The following SFMBT2 variants were observed in gnomAD, a reference collection of about 807,000 sequenced individuals.
SFMBT2 encodes the protein scm-like with four MBT domains protein 2.
In SFMBT2, 38 loss-of-function variants were observed where a neutral mutation model predicts 110.1. The ratio of observed to expected loss-of-function variants is 0.35; its 90% CI spans 0.27 to 0.45. The LOEUF is 0.45. SFMBT2 is among the 20% of genes least tolerant of loss of function. The pLI, the probability that SFMBT2 is intolerant of heterozygous loss-of-function variation, is 1.00. For synonymous variants in SFMBT2, 425 were observed against 425.4 expected, an observed-to-expected ratio of 1.00 and a Z score of 0.01; for missense variants, 1,011 against 1,094.9, an observed-to-expected ratio of 0.92 and a Z score of 1.08.
Position 7,172,054 on chromosome 10 carries a change from C to T in SFMBT2, c.2256G>A (p.Val752=), listed in dbSNP as rs996049494. The stretch of plus-strand genomic sequence containing the variant: ...CGGCCCTCCGGGGCCGGGCCGAGGG[C>T]ACCTCCGCCGACGAGGTGTCCGTCT... ...DDQTDTSSAE[V]PSARPRRAVT... The change falls in exon 19 of 21, where the codon GTG becomes GTA. Residue 752 remains valine (V), a synonymous_variant. Transcript: ENST00000397167. This position sits in a 1 kb window ranked among gnomAD's most constrained non-coding sequence, Gnocchi z 4.6. 1.6e-5 allele frequency: 25 copies of T among 1,598,152 alleles called. No individual in the cohort carries two copies. The highest frequency in any genetic ancestry group is 2.0e-5 in the Non-Finnish European group (24 of 1,172,726).
rs907695300 is a variant in SFMBT2 at position 7,260,686 on chromosome 10, C to T, written c.871-12037G>A. On this transcript the variant is annotated intron_variant, in intron 7 of 20. Transcript: ENST00000397167. ...ACCACTGGTTCTAATTCTACACAGG[C>T]GGCATCTACCACATTCCCCAGTGCA... 3.3e-5 allele frequency among the ~76,000 whole-genome samples: 5 copies of T among 152,258 alleles called. No homozygotes were observed. The South Asian group carries it at 8.3e-4, about 25-fold the overall frequency.
chr10:7,349,440 CTTTTTTT>C (rs369479041), intron 4 of SFMBT2, among the ~76,000 whole-genome samples: 16 of 46,892 alleles, frequency 3.4e-4, no homozygotes, highest in African/African-American at 6.4e-4. Context: ...CTTTTCTTTT[CTTTTTTT>C]TTTTTTTTTT....
intron 1 of SFMBT2, among the ~76,000 whole-genome samples, chr10:7,382,505 C>G (rs1432000954): frequency 6.6e-6 from 1 of 152,142 alleles, no homozygotes; most frequent in African/African-American, 2.4e-5. Flanking sequence ...CATCCGTGTT[C>G]TAGAGGTCAT....
At chr10:7,243,296 C>A (rs1840493923) in intron 9 of SFMBT2, among the ~76,000 whole-genome samples, 3 of 152,180 alleles carry the variant, frequency 2.0e-5, no homozygotes, top group Non-Finnish European at 4.4e-5. Context: ...TAAGTCTACA[C>A]AATAGCAGCA....
intron 20 of SFMBT2, 129 bp from the exon 21 acceptor site, chr10:7,164,039 T>C (rs1333507441): frequency 5.0e-6 from 7 of 1,396,184 alleles, no homozygotes; most frequent in South Asian, 1.7e-5. Flanking sequence ...ATTCAGGGGA[T>C]TGTTGGTAGA....
chr10:7,407,952 C>G (rs1846262727), intron 1 of SFMBT2, among the ~76,000 whole-genome samples: 1 of 152,144 alleles, frequency 6.6e-6, no homozygotes, highest in African/African-American at 2.4e-5. Context: ...CGGCCGGGCT[C>G]CTGCCCAGTC....
rs11593938 is a variant in SFMBT2 at position 7,408,129 on chromosome 10, G to A, written c.-52+2732C>T. 0.022 allele frequency among the ~76,000 whole-genome samples: 3,291 copies of A among 152,390 alleles called. 53 individuals are homozygous for A. Among genetic ancestry groups the A allele is most frequent in the Middle Eastern group, 0.041 (12 of 294 alleles). ...TTGCGCTTGTCAGCGGCGACGTCAG[G>A]AGGACAAGGGGAGGGGTTCGCGGCT... On this transcript the variant is annotated intron_variant, in intron 1 of 20. Coordinates refer to ENST00000397167, the MANE Select transcript of SFMBT2 (RefSeq NM_001387889.1). The surrounding 1 kb of genome is among the most constrained non-coding windows in gnomAD (Gnocchi z 5.7).
At chr10:7,405,839 C>CT (rs1239285312) in intron 1 of SFMBT2, among the ~76,000 whole-genome samples, 2 of 140,288 alleles carry the variant, frequency 1.4e-5, no homozygotes, top group African/African-American at 2.6e-5. Context: ...CCGACCCCCG[C>CT]TCTCTCTGTC....
intron 4 of SFMBT2, among the ~76,000 whole-genome samples, chr10:7,352,335 T>G (rs1306223966): frequency 6.6e-6 from 1 of 152,160 alleles, no homozygotes; most frequent in Non-Finnish European, 1.5e-5. Context: ...AGCATAAAGA[T>G]ATTTTGAGAC....
chr10:7,320,251 G>C (rs985255514), intron 4 of SFMBT2, among the ~76,000 whole-genome samples: 1 of 152,198 alleles, frequency 6.6e-6, no homozygotes, highest in African/African-American at 2.4e-5. Context: ...TGAGTGTGCA[G>C]CTGCTGACTC....
chr10:7,281,204 C>A (rs1057128820), intron 6 of SFMBT2, among the ~76,000 whole-genome samples: 1 of 152,168 alleles, frequency 6.6e-6, no homozygotes, highest in African/African-American at 2.4e-5. Flanking sequence ...CGAGATCATG[C>A]CACTGCACTC....
At chr10:7,296,645 A>G (rs2131870493) in intron 4 of SFMBT2, among the ~76,000 whole-genome samples, 1 of 152,298 alleles carries the variant, frequency 6.6e-6, no homozygotes, top group South Asian at 2.1e-4. Context: ...GTTCAACAGT[A>G]TTTAGGTTGC....
chr10:7,329,562 G>A (rs781383099), intron 4 of SFMBT2: 13 of 956,712 alleles, frequency 1.4e-5, no homozygotes, highest in East Asian at 1.2e-4. Flanking sequence ...CTGCCCTAGC[G>A]CCCAGGGGCC....
At chr10:7,269,497 C>T (rs1564414052) in intron 7 of SFMBT2, among the ~76,000 whole-genome samples, 2 of 152,320 alleles carry the variant, frequency 1.3e-5, no homozygotes, top group Non-Finnish European at 2.9e-5. Context: ...AAATACCGCT[C>T]ATCTCCGGCC....
At chr10:7,336,948 C>T (rs989400014) in intron 4 of SFMBT2, among the ~76,000 whole-genome samples, 1 of 152,146 alleles carries the variant, frequency 6.6e-6, no homozygotes, top group African/African-American at 2.4e-5. Context: ...AGCCAGGCAA[C>T]GTACCATTAG....
intron 11 of SFMBT2, 104 bp from the exon 12 acceptor site, chr10:7,206,032 C>A: frequency 6.8e-7 from 1 of 1,461,866 alleles, no homozygotes; most frequent in Non-Finnish European, 9.1e-7. Context: ...AAAAACATTC[C>A]TTTATACATT....
intron 6 of SFMBT2, chr10:7,277,585 AG>A (rs933749424): frequency 1.7e-4 from 26 of 157,464 alleles, no homozygotes; most frequent in East Asian, 3.9e-4. Context: ...AGGCAGTGGG[AG>A]GGGGGGCAAG....
At chr10:7,166,345 C>T (rs1482355695) in intron 20 of SFMBT2, among the ~76,000 whole-genome samples, 1 of 152,232 alleles carries the variant, frequency 6.6e-6, no homozygotes, top group Non-Finnish European at 1.5e-5. Context: ...TCTTTAACAT[C>T]TGTACTTGGG....
intron 14 of SFMBT2, chr10:7,198,025 A>T: frequency 2.0e-6 from 2 of 985,478 alleles, no homozygotes; most frequent in Non-Finnish European, 2.4e-6. Flanking sequence ...TACCTTGGAA[A>T]TTCTGATGCA....
Sources: gnomAD v4.1 joint callset for allele counts (sites outside exome capture counted in the v4.1 genomes callset) on GRCh38, gnomAD v4.1.1 for gene constraint, Gnocchi (gnomAD v3.1) non-coding constraint, MANE v1.5 for transcripts, NCBI Gene and HGNC (gene_info 2026-07-23, HGNC 2026-07-21) for gene names.